Variants in IFI27L1 observed in about 807,000 individuals in gnomAD.
IFI27L1 encodes the protein interferon alpha inducible protein 27 like 1, also known as interferon alpha-inducible protein 27-like protein 1.
Under a neutral mutation model 9.2 loss-of-function variants are expected in IFI27L1, and 3 were observed. The observed-to-expected ratio is 0.32, with a 90% CI of 0.15 to 0.84. The LOEUF is 0.84. IFI27L1 is among the 40% of genes least tolerant of loss of function. The pLI, the probability that IFI27L1 is intolerant of heterozygous loss-of-function variation, is 0.56. For missense variants in IFI27L1, 133 were observed against 134.2 expected, an observed-to-expected ratio of 0.99 and a Z score of 0.05; for synonymous variants, 53 against 50.0, an observed-to-expected ratio of 1.06 and a Z score of -0.26.
intron 1 of IFI27L1, among the ~76,000 whole-genome samples, chr14:94,092,511 A>AAAAAC (rs941367293): frequency 9.2e-5 from 14 of 152,148 alleles, no homozygotes; most frequent in African/African-American, 2.4e-4. Context: ...ACTCCATCTC[A>AAAAAC]AAAACAAAAC....
At position 94,096,899 on chromosome 14, in the gene IFI27L1, G is replaced by A. The variant is rs755745416; in HGVS notation, c.-39G>A. ...ACTCAACCAACAGGTGGAAGTCCAA[G>A]AATCCGAGTGGAGGCTCACCGAGGC... On this transcript the variant is annotated 5_prime_UTR_variant, in exon 2 of 5. Transcript: ENST00000555523. The A allele has an allele frequency of 1.2e-6, 2 of 1,609,332 alleles. No homozygotes were observed. The highest frequency in any genetic ancestry group is 1.7e-6 in the Non-Finnish European group (2 of 1,176,150).
chr14:94,102,640 C>T lies in IFI27L1; in HGVS notation c.*72C>T. The T allele has an allele frequency of 1.2e-6, 1 of 844,112 alleles. No individual in the cohort carries two copies. Among genetic ancestry groups the T allele is most frequent in the South Asian group, 2.0e-5 (1 of 50,764 alleles). 52.3% of individuals were successfully genotyped at this position (844,112 alleles called of 1,614,324 possible). ...TCCTGGGCCTCTGGATGACAATCTT[C>T]CAAAGGACAAGTCTCCTACTCCCAA... is the stretch of plus-strand genomic sequence containing the variant. On this transcript the variant is annotated 3_prime_UTR_variant, in exon 5 of 5. Transcript: ENST00000555523.
intron 1 of IFI27L1, among the ~76,000 whole-genome samples, chr14:94,084,051 AT>A (rs945464175): frequency 5.3e-5 from 8 of 152,190 alleles, no homozygotes; most frequent in East Asian, 3.9e-4. Context: ...AAACATAGGT[AT>A]TTTTTTTCCT....
chr14:94,099,328 C>T (rs1261007697), intron 2 of IFI27L1, among the ~76,000 whole-genome samples: 4 of 152,058 alleles, frequency 2.6e-5, no homozygotes, highest in South Asian at 2.1e-4. Context: ...AGCAGGGGGA[C>T]GCTGTCTTCT....
chr14:94,092,899 A>G (rs1329981494), intron 1 of IFI27L1, among the ~76,000 whole-genome samples: 2 of 151,912 alleles, frequency 1.3e-5, no homozygotes, highest in South Asian at 4.2e-4. Flanking sequence ...TTCGCTTTTC[A>G]TTTGCTCTTT....
chr14:94,088,241 T>C, intron 1 of IFI27L1: 1 of 702,320 alleles, frequency 1.4e-6, no homozygotes, highest in Non-Finnish European at 2.6e-6. Flanking sequence ...GACTTGTTTT[T>C]TTGCAGTAGC....
intron 4 of IFI27L1, 116 bp downstream of exon 4, chr14:94,102,091 T>C: frequency 9.1e-7 from 1 of 1,101,796 alleles, no homozygotes. Context: ...GGGCCCTTTG[T>C]CTTTCTGTCA....
At chr14:94,090,705 C>T (rs775062803) in intron 1 of IFI27L1, among the ~76,000 whole-genome samples, 1 of 152,172 alleles carries the variant, frequency 6.6e-6, no homozygotes, top group South Asian at 2.1e-4. Context: ...TCCCAAGGGG[C>T]TTTTATTGGC....
intron 2 of IFI27L1, among the ~76,000 whole-genome samples, chr14:94,098,343 C>T (rs1399330304): frequency 6.6e-6 from 1 of 152,156 alleles, no homozygotes; most frequent in Non-Finnish European, 1.5e-5. Flanking sequence ...GCATCACTCC[C>T]ATCTCCATCT....
At chr14:94,098,553 T>G (rs955360724) in intron 2 of IFI27L1, among the ~76,000 whole-genome samples, 9 of 152,236 alleles carry the variant, frequency 5.9e-5, no homozygotes, top group Non-Finnish European at 1.3e-4. Flanking sequence ...ACATATCTTT[T>G]CGGGTGATGC....
intron 1 of IFI27L1, among the ~76,000 whole-genome samples, chr14:94,091,055 A>C (rs1372211826): frequency 6.6e-6 from 1 of 152,216 alleles, no homozygotes; most frequent in Non-Finnish European, 1.5e-5. Context: ...AGTTTAGTTC[A>C]TGCGCTTAAT....
chr14:94,101,967 A>G lies in IFI27L1; in HGVS notation c.215A>G (p.Gln72Arg). The G allele has an allele frequency of 1.2e-6, 2 of 1,614,214 alleles. No individual in the cohort carries two copies. The highest frequency in any genetic ancestry group is 1.7e-6 in the Non-Finnish European group (2 of 1,180,040). Residue 72 changes from glutamine to arginine, a missense_variant, in exon 4 of 5, where the codon CAG becomes CGG. Transcript: ENST00000555523. ...GCTGGCAGTCTGGTGGCTATTCTGC[A>G]GTCAGTGGGTGAGTGTTCTGGACAG... The part of the protein sequence containing the change: ...VAAGSLVAIL[Q>R]SVGAAGLSVT...
chr14:94,097,287 G>T (rs888261471), intron 2 of IFI27L1, among the ~76,000 whole-genome samples: 1 of 152,194 alleles, frequency 6.6e-6, no homozygotes, highest in African/African-American at 2.4e-5. Context: ...AGATTGAACG[G>T]GCAGTTGCTG....
At chr14:94,098,124 C>A (rs562953969) in intron 2 of IFI27L1, among the ~76,000 whole-genome samples, 1 of 152,212 alleles carries the variant, frequency 6.6e-6, no homozygotes, top group African/African-American at 2.4e-5. Flanking sequence ...GAAGATGTGT[C>A]GGCTTCTAGG....
At chr14:94,096,569 C>T (rs1026381304) in intron 1 of IFI27L1, among the ~76,000 whole-genome samples, 3 of 152,000 alleles carry the variant, frequency 2.0e-5, no homozygotes, top group African/African-American at 7.2e-5. Flanking sequence ...TCGCACGCAC[C>T]TGTAATCCCA....
At chr14:94,083,083 T>C (rs577115493) in intron 1 of IFI27L1, among the ~76,000 whole-genome samples, 32 of 152,226 alleles carry the variant, frequency 2.1e-4, no homozygotes, top group Admixed American at 3.9e-4. Flanking sequence ...TGTCAAAATA[T>C]CAAAATTAAC....
At chr14:94,097,758 T>G (rs1886726658) in intron 2 of IFI27L1, 2 of 696,982 alleles carry the variant, frequency 2.9e-6, no homozygotes, top group East Asian at 2.7e-5. Context: ...CCACTTACCC[T>G]GAGCTACTGA....
At chr14:94,085,991 T>C (rs1194704049) in intron 1 of IFI27L1, among the ~76,000 whole-genome samples, 1 of 152,200 alleles carries the variant, frequency 6.6e-6, no homozygotes, top group Non-Finnish European at 1.5e-5. Context: ...ACATGGGTGA[T>C]ATAGTTTGGA....
intron 1 of IFI27L1, among the ~76,000 whole-genome samples, chr14:94,083,821 G>A (rs966012674): frequency 2.2e-4 from 34 of 152,312 alleles, no homozygotes; most frequent in African/African-American, 8.2e-4. Flanking sequence ...CAGGTGTGGT[G>A]GCACATCCCT....
Sources: gnomAD v4.1 joint callset for allele counts (sites outside exome capture counted in the v4.1 genomes callset) on GRCh38, gnomAD v4.1.1 for gene constraint, MANE v1.5 for transcripts, NCBI Gene and HGNC (gene_info 2026-07-23, HGNC 2026-07-21) for gene names.